Variants in SUGCT observed in about 807,000 individuals in gnomAD.
SUGCT encodes the protein succinyl-CoA:glutarate CoA-transferase.
A neutral mutation model predicts 55.0 loss-of-function variants in SUGCT; 41 were observed. The ratio of observed to expected loss-of-function variants is 0.74; its 90% CI spans 0.58 to 0.97. The LOEUF (loss-of-function observed/expected upper bound fraction) is 0.97. Ranked by LOEUF, SUGCT falls within the 50% of genes least tolerant of loss-of-function variation. SUGCT has a pLI of 0.00. For synonymous variants in SUGCT, 187 were observed against 200.4 expected (o/e 0.93, Z 0.56); for missense variants, 568 against 547.8 (o/e 1.04, Z -0.37).
At position 40,860,730 on chromosome 7, in the gene SUGCT, T is replaced by A; in HGVS notation, c.*251T>A. 1 of 355,830 alleles carries A rather than the reference T, an allele frequency of 2.8e-6. No homozygotes were observed. Among genetic ancestry groups the A allele is most frequent in the East Asian group, 4.8e-5 (1 of 20,954 alleles). The allele number at this position is 355,830 out of a possible 1,614,324, so 22.0% of individuals were successfully genotyped here. A position where few individuals can be genotyped will look rare whatever the true frequency, so the allele number is the denominator to read the frequency against. On this transcript the variant is annotated 3_prime_UTR_variant, in exon 14 of 14. Coordinates refer to ENST00000335693, the MANE Select transcript of SUGCT (RefSeq NM_001193313.2). ...TTTCATTATGGATTTGTGGGATTTTTAAAAATAAAGTTTTAATTTTTTTCC... is the reference window on the plus strand; with the variant it reads ...TTTCATTATGGATTTGTGGGATTTTAAAAAATAAAGTTTTAATTTTTTTCC...
At chr7:40,660,077 A>G (rs1244912656) in intron 12 of SUGCT, among the ~76,000 whole-genome samples, 1 of 152,212 alleles carries the variant, frequency 6.6e-6, no homozygotes, top group African/African-American at 2.4e-5. Flanking sequence ...TTAACACCAA[A>G]ATTTGAATGG....
chr7:40,758,971 A>G (rs1307225275), intron 13 of SUGCT, among the ~76,000 whole-genome samples: 2 of 152,218 alleles, frequency 1.3e-5, no homozygotes, highest in East Asian at 3.9e-4. Context: ...CAGTTAAGCA[A>G]AAACCAAATT....
downstream of SUGCT, among the ~76,000 whole-genome samples, chr7:40,863,779 C>A (rs1794534157): frequency 6.6e-6 from 1 of 151,816 alleles, no homozygotes. Flanking sequence ...TGAGGTACAA[C>A]GGGCCTGAAA....
the SUGCT span, among the ~76,000 whole-genome samples, chr7:40,910,649 C>T: frequency 3.9e-5 from 6 of 152,066 alleles, no homozygotes; most frequent in African/African-American, 1.2e-4. Flanking sequence ...TTGGAAGATC[C>T]GGTCAGCCTT....
At chr7:40,556,925 A>G (rs1795588649) in intron 12 of SUGCT, among the ~76,000 whole-genome samples, 2 of 152,210 alleles carry the variant, frequency 1.3e-5, no homozygotes, top group South Asian at 2.1e-4. Flanking sequence ...TAGTCAGATG[A>G]TTCTACTACT....
At chr7:40,647,957 C>T (rs771339033) in intron 12 of SUGCT, among the ~76,000 whole-genome samples, 17 of 152,134 alleles carry the variant, frequency 1.1e-4, no homozygotes, top group Admixed American at 2.6e-4. Context: ...TCCTACATCC[C>T]GCACATTCCT....
intron 9 of SUGCT, among the ~76,000 whole-genome samples, chr7:40,361,374 A>T (rs996494153): frequency 2.0e-5 from 3 of 152,054 alleles, no homozygotes; most frequent in African/African-American, 7.2e-5. Context: ...GGAGATCGAG[A>T]CCATCCTGGC....
intron 13 of SUGCT, among the ~76,000 whole-genome samples, chr7:40,772,542 CT>C (rs1397684596): frequency 3.3e-5 from 5 of 149,666 alleles, no homozygotes; most frequent in Admixed American, 6.7e-5. Context: ...ATCTATCTAT[CT>C]ATCTATCTAT....
chr7:40,458,730 G>T (rs1789623085), intron 10 of SUGCT, among the ~76,000 whole-genome samples: 2 of 151,974 alleles, frequency 1.3e-5, no homozygotes. Context: ...TTTAAAATTT[G>T]GTCCGTTTTA....
intron 1 of SUGCT, among the ~76,000 whole-genome samples, chr7:40,136,255 C>T (rs185472911): frequency 3.5e-4 from 54 of 152,290 alleles, no homozygotes; most frequent in Non-Finnish European, 5.6e-4. Flanking sequence ...GCCTCTGCCT[C>T]CCGAAGTGCT....
intron 9 of SUGCT, among the ~76,000 whole-genome samples, chr7:40,397,530 C>T (rs544902722): frequency 6.6e-6 from 1 of 152,248 alleles, no homozygotes; most frequent in Non-Finnish European, 1.5e-5. Context: ...TCACAAAGAT[C>T]ATTGTGGAGG....
chr7:41,021,788 T>C, the SUGCT span, among the ~76,000 whole-genome samples: 1 of 152,074 alleles, frequency 6.6e-6, no homozygotes, highest in Non-Finnish European at 1.5e-5. Context: ...ATAGAGTGTC[T>C]TTCCACAGAG....
At chr7:40,763,333 A>G (rs1376943287) in intron 13 of SUGCT, among the ~76,000 whole-genome samples, 4 of 152,176 alleles carry the variant, frequency 2.6e-5, no homozygotes, top group Admixed American at 6.5e-5. Flanking sequence ...GAGCAAACTG[A>G]GCCTCAGATA....
chr7:40,688,964 G>T (rs17171762), intron 12 of SUGCT, among the ~76,000 whole-genome samples: 12,419 of 152,172 alleles, frequency 0.082, 756 homozygotes, highest in East Asian at 0.26. Context: ...AAATGGATGT[G>T]TGTAAAGGCT....
At chr7:40,977,966 T>C in the SUGCT span, among the ~76,000 whole-genome samples, 1 of 152,186 alleles carries the variant, frequency 6.6e-6, no homozygotes, top group East Asian at 1.9e-4. Flanking sequence ...TCGGCCATCT[T>C]GGGGCTGCGA....
chr7:40,891,222 T>C, the SUGCT span, among the ~76,000 whole-genome samples: 2 of 152,058 alleles, frequency 1.3e-5, no homozygotes, highest in African/African-American at 4.8e-5. Flanking sequence ...AGAAAGAGAA[T>C]GGAACAGAAA....
At chr7:40,795,198 T>G (rs1043399184) in intron 13 of SUGCT, among the ~76,000 whole-genome samples, 1 of 150,314 alleles carries the variant, frequency 6.7e-6, no homozygotes, top group East Asian at 2.0e-4. Context: ...TTCCCAGAGG[T>G]GCACTGAAAG....
intron 9 of SUGCT, among the ~76,000 whole-genome samples, chr7:40,436,793 T>G (rs763483460): frequency 6.6e-6 from 1 of 152,194 alleles, no homozygotes; most frequent in Non-Finnish European, 1.5e-5. Flanking sequence ...TTTGTGTAGT[T>G]TCTATAAAGT....
chr7:40,590,298 G>T (rs1349021059), intron 12 of SUGCT, among the ~76,000 whole-genome samples: 1 of 152,094 alleles, frequency 6.6e-6, no homozygotes, highest in Non-Finnish European at 1.5e-5. Context: ...CCCTATATTG[G>T]CCTTGAAGTG....
Sources: gnomAD v4.1 joint callset for allele counts (sites outside exome capture counted in the v4.1 genomes callset) on GRCh38, gnomAD v4.1.1 for gene constraint, MANE v1.5 for transcripts, NCBI Gene and HGNC (gene_info 2026-07-23, HGNC 2026-07-21) for gene names.